The following NRG3 variants were observed in gnomAD, a reference collection of about 807,000 sequenced individuals.
The protein encoded by NRG3 is neuregulin 3.
Under a neutral mutation model 66.9 loss-of-function variants are expected in NRG3, and 31 were observed. The ratio of observed to expected loss-of-function variants is 0.46; its 90% CI spans 0.35 to 0.63. The LOEUF (loss-of-function observed/expected upper bound fraction) is 0.63. NRG3 is among the 20% of genes least tolerant of loss of function. The pLI is 0.00. For synonymous variants in NRG3, 393 were observed against 359.4 expected (o/e 1.09, Z -1.06); for missense variants, 910 against 878.9 (o/e 1.04, Z -0.45).
At chr10:82,073,191 A>T (rs2064902983) in intron 1 of NRG3, among the ~76,000 whole-genome samples, 1 of 152,180 alleles carries the variant, frequency 6.6e-6, no homozygotes, top group South Asian at 2.1e-4. Flanking sequence ...AACAATGTGT[A>T]ATGTGTACAA....
chr10:82,982,429 A>G (rs1449559643), intron 8 of NRG3, among the ~76,000 whole-genome samples: 1 of 152,176 alleles, frequency 6.6e-6, no homozygotes, highest in Admixed American at 6.5e-5. Flanking sequence ...CATGGACCGA[A>G]CTTGTGGAAG....
At chr10:82,377,185 C>T (rs1261733624) in intron 2 of NRG3, among the ~76,000 whole-genome samples, 1 of 151,990 alleles carries the variant, frequency 6.6e-6, no homozygotes, top group Non-Finnish European at 1.5e-5. Flanking sequence ...AATGAGAAAC[C>T]AATAAAGAAT....
At chr10:82,067,576 G>A (rs1238293962) in intron 1 of NRG3, among the ~76,000 whole-genome samples, 1 of 152,196 alleles carries the variant, frequency 6.6e-6, no homozygotes, top group Non-Finnish European at 1.5e-5. Flanking sequence ...TCAAACTGCT[G>A]ACCTCAGGTG....
intron 2 of NRG3, among the ~76,000 whole-genome samples, chr10:82,585,713 T>C (rs1032252403): frequency 1.3e-5 from 2 of 152,212 alleles, no homozygotes; most frequent in African/African-American, 4.8e-5. Context: ...TAAGCCTCAA[T>C]TATTCATCTG....
intron 2 of NRG3, among the ~76,000 whole-genome samples, chr10:82,619,734 T>A (rs1424191111): frequency 6.6e-6 from 1 of 152,114 alleles, no homozygotes; most frequent in African/African-American, 2.4e-5. Context: ...ATATGACTGG[T>A]GTCCTTTAAG....
At chr10:82,464,693 G>A (rs1176491884) in intron 2 of NRG3, among the ~76,000 whole-genome samples, 3 of 152,172 alleles carry the variant, frequency 2.0e-5, no homozygotes, top group African/African-American at 7.2e-5. Flanking sequence ...GGCAAAGGAA[G>A]AGATTAGATT....
rs73303799 is a variant in NRG3 at position 82,459,756 on chromosome 10, G to A, written c.953+100888G>A. 5.5e-3 allele frequency among the ~76,000 whole-genome samples: 830 copies of A among 152,270 alleles called. 6 individuals carry two copies. The highest frequency in any genetic ancestry group is 0.019 in the African/African-American group (804 of 41,544). On this transcript the variant is annotated intron_variant, in intron 2 of 8. Coordinates refer to ENST00000372141, the MANE Select transcript of NRG3 (RefSeq NM_001010848.4). ...ATCAACCTCAGCTTCTGCCAGCCAT[G>A]ATTCCCTGGGAATACCATTTCTTTC...
At chr10:82,312,554 G>T (rs1319205379) in intron 1 of NRG3, among the ~76,000 whole-genome samples, 2 of 152,214 alleles carry the variant, frequency 1.3e-5, no homozygotes, top group Non-Finnish European at 2.9e-5. Context: ...AGAATGCAAT[G>T]TGATTGTATT....
chr10:82,000,280 G>A (rs918182820), intron 1 of NRG3, among the ~76,000 whole-genome samples: 3 of 152,022 alleles, frequency 2.0e-5, no homozygotes, highest in African/African-American at 7.2e-5. Context: ...TGAAGTAGCC[G>A]TTCTTATGTC....
intron 2 of NRG3, among the ~76,000 whole-genome samples, chr10:82,689,458 A>G (rs780059062): frequency 6.6e-6 from 1 of 152,192 alleles, no homozygotes; most frequent in African/African-American, 2.4e-5. Flanking sequence ...AAAAAGCATC[A>G]GAATTACCAT....
chr10:82,062,031 G>A lies in NRG3; in HGVS notation c.823+185868G>A, dbSNP rs565612583. ...CTTTTCTTTGCTTTTGATGACCAAA[G>A]AATAGCTATCCAAAGATAGCTTTGG... On this transcript the variant is annotated intron_variant, in intron 1 of 8. Transcript: ENST00000372141. 2.0e-5 allele frequency among the ~76,000 whole-genome samples: 3 copies of A among 152,268 alleles called. No individual in the cohort carries two copies. The East Asian group carries it at 5.8e-4, about 29-fold the overall frequency.
At chr10:82,517,221 G>C (rs190684347) in intron 2 of NRG3, among the ~76,000 whole-genome samples, 475 of 151,556 alleles carry the variant, frequency 3.1e-3, no homozygotes, top group South Asian at 5.0e-3. Context: ...GATACCATCT[G>C]GCCTAATGAG....
At chr10:82,619,038 A>G (rs2048857781) in intron 2 of NRG3, among the ~76,000 whole-genome samples, 2 of 152,044 alleles carry the variant, frequency 1.3e-5, no homozygotes, top group South Asian at 4.1e-4. Context: ...TCCAAGAATA[A>G]GTGGAGGTTT....
chr10:81,942,786 G>A (rs1008574439), intron 1 of NRG3, among the ~76,000 whole-genome samples: 1 of 152,106 alleles, frequency 6.6e-6, no homozygotes. Flanking sequence ...TACGAGGACA[G>A]CAATAACTGT....
At chr10:82,408,060 A>AGAGAGC (rs1564887764) in intron 2 of NRG3, among the ~76,000 whole-genome samples, 4 of 127,638 alleles carry the variant, frequency 3.1e-5, no homozygotes, top group African/African-American at 9.9e-5. Context: ...AGAGAGAGAG[A>AGAGAGC]GAGAGAGAGA....
At chr10:82,148,248 A>G (rs944552802) in intron 1 of NRG3, among the ~76,000 whole-genome samples, 1 of 152,162 alleles carries the variant, frequency 6.6e-6, no homozygotes, top group Non-Finnish European at 1.5e-5. Flanking sequence ...TTGCAATCCC[A>G]GCACTTTGGG....
chr10:82,532,073 G>A (rs1404382474), intron 2 of NRG3, among the ~76,000 whole-genome samples: 2 of 151,746 alleles, frequency 1.3e-5, no homozygotes, highest in African/African-American at 4.8e-5. Flanking sequence ...AGGATACAAT[G>A]GGCAAGGATC....
Position 81,884,650 on chromosome 10 carries a change from A to G in NRG3, c.823+8487A>G, listed in dbSNP as rs139888568. ...GTTCTCTAGTGATGACTGAAACTAT[A>G]TGGGAGGCTATCCTTAGGTTATATG... On this transcript the variant is annotated intron_variant, in intron 1 of 8. Coordinates refer to ENST00000372141, the MANE Select transcript of NRG3 (RefSeq NM_001010848.4). 1.8e-3 allele frequency among the ~76,000 whole-genome samples: 280 copies of G among 152,300 alleles called. 3 individuals carry two copies. Among genetic ancestry groups the G allele is most frequent in the East Asian group, 8.7e-3 (45 of 5,184 alleles).
At chr10:82,125,934 G>A (rs1027231526) in intron 1 of NRG3, among the ~76,000 whole-genome samples, 77 of 152,092 alleles carry the variant, frequency 5.1e-4, no homozygotes, top group African/African-American at 1.7e-3. Context: ...CTATTAGATA[G>A]CAAGATTATT....
Sources: gnomAD v4.1 joint callset for allele counts (sites outside exome capture counted in the v4.1 genomes callset) on GRCh38, gnomAD v4.1.1 for gene constraint, MANE v1.5 for transcripts, NCBI Gene and HGNC (gene_info 2026-07-23, HGNC 2026-07-21) for gene names.